GAB1: variants seen among roughly 807,000 people sequenced by gnomAD.
The protein encoded by GAB1 is GRB2 associated binding protein 1, also known as GRB2-associated-binding protein 1.
GAB1 carries 19 observed loss-of-function variants against 66.5 expected under a neutral mutation model. The observed-to-expected ratio is 0.29, with a 90% confidence interval of 0.20 to 0.42. The LOEUF (loss-of-function observed/expected upper bound fraction) is 0.42, where lower values mean the gene tolerates loss of function less well. Among genes scored for constraint, GAB1 ranks in the 10% least tolerant of loss-of-function variants. The pLI is 1.00. For synonymous variants in GAB1, 294 were observed against 301.4 expected (o/e 0.98, Z 0.25); for missense variants, 732 against 858.5 (o/e 0.85, Z 1.84).
intron 1 of GAB1, among the ~76,000 whole-genome samples, chr4:143,392,093 C>T (rs1021431520): frequency 3.3e-5 from 5 of 152,086 alleles, no homozygotes; most frequent in Non-Finnish European, 7.4e-5. Context: ...TGTTTGATAA[C>T]GGAGTGATCT....
chr4:143,468,985 A>T (rs1415572670), intron 9 of GAB1, 46 bp from the exon 10 acceptor site: 4 of 1,596,734 alleles, frequency 2.5e-6, no homozygotes. Flanking sequence ...GTACTCAGGA[A>T]CACTCCTTTA....
At chr4:143,446,844 G>T (rs1162291571) in intron 6 of GAB1, among the ~76,000 whole-genome samples, 2 of 150,668 alleles carry the variant, frequency 1.3e-5, no homozygotes, top group Non-Finnish European at 3.0e-5. Flanking sequence ...ATTGCTTTTG[G>T]TGTTTTAGAC....
At chr4:143,369,863 A>G (rs1421115214) in intron 1 of GAB1, among the ~76,000 whole-genome samples, 1 of 152,228 alleles carries the variant, frequency 6.6e-6, no homozygotes, top group African/African-American at 2.4e-5. Context: ...TGCTTTTGAA[A>G]ACTGGCTTCA....
intron 1 of GAB1, among the ~76,000 whole-genome samples, chr4:143,362,506 T>C (rs913322594): frequency 2.0e-5 from 3 of 152,190 alleles, no homozygotes; most frequent in Admixed American, 1.3e-4. Flanking sequence ...GGGCGGATTA[T>C]TCATGAGTTT....
chr4:143,350,678 CAAAAAAA>C (rs34098103), intron 1 of GAB1, among the ~76,000 whole-genome samples: 12 of 88,512 alleles, frequency 1.4e-4, no homozygotes, highest in African/African-American at 5.0e-4. Context: ...AACTCCGTCT[CAAAAAAA>C]AAAAAAAAAA....
intron 1 of GAB1, among the ~76,000 whole-genome samples, chr4:143,359,446 C>G (rs1729576712): frequency 6.6e-6 from 1 of 152,182 alleles, no homozygotes; most frequent in Non-Finnish European, 1.5e-5. Context: ...TGTTCTCCTC[C>G]TCCCTCGGTG....
At chr4:143,349,512 C>G in intron 1 of GAB1, 2 of 1,539,912 alleles carry the variant, frequency 1.3e-6, no homozygotes, top group Non-Finnish European at 1.8e-6. Flanking sequence ...TACCAGCCAT[C>G]ATGAGCAGCT....
At chr4:143,462,419 T>C (rs955775734) in intron 8 of GAB1, among the ~76,000 whole-genome samples, 9 of 152,158 alleles carry the variant, frequency 5.9e-5, no homozygotes, top group South Asian at 4.1e-4. Context: ...GTGTGTCTTT[T>C]TGCCCAAAAT....
Position 143,408,327 on chromosome 4 carries a change from A to T in GAB1, c.73-7150A>T, listed in dbSNP as rs138810151. Among the ~76,000 whole-genome samples the T allele has an allele frequency of 2.8e-3, 430 of 152,326 alleles. 2 individuals carry two copies. The Middle Eastern group carries it at 0.031, about 11-fold the overall frequency. On this transcript the variant is annotated intron_variant, in intron 1 of 9. Coordinates refer to ENST00000262994, the MANE Select transcript of GAB1 (RefSeq NM_002039.4). ...CAATAAATGGAAACATTTTGAAAAA[A>T]CAAAGTATGTAAAATATGAGACTCA...
chr4:143,468,251 G>T (rs974821797), intron 9 of GAB1, among the ~76,000 whole-genome samples: 2 of 110,866 alleles, frequency 1.8e-5, no homozygotes, highest in Non-Finnish European at 3.3e-5. Context: ...GTCTTGCTCT[G>T]TTGCCCAGGC....
intron 1 of GAB1, among the ~76,000 whole-genome samples, chr4:143,351,105 G>C (rs1276881980): frequency 1.3e-5 from 2 of 152,192 alleles, no homozygotes; most frequent in Non-Finnish European, 2.9e-5. Context: ...TGTGTTACGG[G>C]GTGCTCTTTT....
chr4:143,465,813 A>T (rs2149797976), intron 8 of GAB1, among the ~76,000 whole-genome samples: 1 of 152,350 alleles, frequency 6.6e-6, no homozygotes, highest in South Asian at 2.1e-4. Context: ...TTGAGTACAG[A>T]CATAATTTTA....
At chr4:143,450,439 T>C (rs1734858280) in intron 6 of GAB1, among the ~76,000 whole-genome samples, 1 of 152,198 alleles carries the variant, frequency 6.6e-6, no homozygotes, top group Admixed American at 6.5e-5. Context: ...GTCCACTTTG[T>C]GTGGAATTTA....
chr4:143,411,782 T>C (rs1732405517), intron 1 of GAB1, among the ~76,000 whole-genome samples: 1 of 152,234 alleles, frequency 6.6e-6, no homozygotes, highest in African/African-American at 2.4e-5. Context: ...GGCTAAATTG[T>C]GCTTTGTACC....
intron 1 of GAB1, among the ~76,000 whole-genome samples, chr4:143,409,990 C>G (rs916094779): frequency 1.3e-5 from 2 of 151,860 alleles, no homozygotes; most frequent in African/African-American, 2.4e-5. Context: ...CCTGCCTATT[C>G]CAATCTTCAC....
chr4:143,384,052 GACA>G (rs999324262), intron 1 of GAB1, among the ~76,000 whole-genome samples: 2 of 151,974 alleles, frequency 1.3e-5, no homozygotes, highest in African/African-American at 2.4e-5. Flanking sequence ...CAGCCTGGGT[GACA>G]GAGCAAGACC....
intron 1 of GAB1, among the ~76,000 whole-genome samples, chr4:143,360,724 T>G (rs550866924): frequency 7.2e-5 from 11 of 152,238 alleles, no homozygotes; most frequent in Non-Finnish European, 1.3e-4. Flanking sequence ...GTTTTTCGTG[T>G]GACTTCTGCG....
chr4:143,428,173 C>G (rs975408379), intron 2 of GAB1, among the ~76,000 whole-genome samples: 1 of 152,238 alleles, frequency 6.6e-6, no homozygotes, highest in African/African-American at 2.4e-5. Flanking sequence ...ATAAGTCACA[C>G]TCACCTGAGC....
chr4:143,454,747 C>G (rs545944006), intron 6 of GAB1, among the ~76,000 whole-genome samples: 2 of 152,284 alleles, frequency 1.3e-5, no homozygotes, highest in South Asian at 4.2e-4. Flanking sequence ...TTGGCTACAA[C>G]AAGAATGACC....
Sources: allele counts gnomAD v4.1 joint callset (sites outside exome capture counted in the v4.1 genomes callset), GRCh38; gene constraint gnomAD v4.1.1; transcripts MANE v1.5; gene names NCBI Gene and HGNC (gene_info 2026-07-23, HGNC 2026-07-21).